The following SLC35G2 variants were observed in gnomAD, a reference collection of about 807,000 sequenced individuals.
The protein encoded by SLC35G2 is solute carrier family 35 member G2, also known as transmembrane protein 22.
A neutral mutation model predicts 27.2 loss-of-function variants in SLC35G2; 20 were observed. That is an observed-to-expected ratio of 0.74 (90% CI 0.52 to 1.07). SLC35G2 has a LOEUF of 1.07. Among genes scored for constraint, SLC35G2 ranks in the 50% least tolerant of loss-of-function variants. The pLI, the probability that SLC35G2 is intolerant of heterozygous loss-of-function variation, is 0.00. For synonymous variants in SLC35G2, 148 were observed against 165.3 expected, an observed-to-expected ratio of 0.90 and a Z score of 0.80; for missense variants, 416 against 493.3, an observed-to-expected ratio of 0.84 and a Z score of 1.48.
intron 1 of SLC35G2, among the ~76,000 whole-genome samples, chr3:136,828,755 A>C (rs1358043866): frequency 6.6e-6 from 1 of 152,164 alleles, no homozygotes; most frequent in Non-Finnish European, 1.5e-5. Context: ...TCAATAAGTA[A>C]GGACTTCTGC....
At chr3:136,822,984 C>T (rs1439420378) in intron 1 of SLC35G2, among the ~76,000 whole-genome samples, 3 of 152,200 alleles carry the variant, frequency 2.0e-5, no homozygotes, top group African/African-American at 4.8e-5. Flanking sequence ...GAGGCACCTC[C>T]AAACTGTTCT....
chr3:136,825,917 A>G (rs1936572269), intron 1 of SLC35G2, among the ~76,000 whole-genome samples: 1 of 152,186 alleles, frequency 6.6e-6, no homozygotes, highest in Non-Finnish European at 1.5e-5. Flanking sequence ...GGCCTCATAG[A>G]GTGAGTTCGG....
intron 1 of SLC35G2, among the ~76,000 whole-genome samples, chr3:136,832,608 A>G (rs1274218250): frequency 6.6e-6 from 1 of 152,232 alleles, no homozygotes; most frequent in African/African-American, 2.4e-5. Context: ...ATGTCTTAGC[A>G]TGGTGCCTTC....
At chr3:136,823,672 T>C (rs999545705) in intron 1 of SLC35G2, among the ~76,000 whole-genome samples, 8 of 152,108 alleles carry the variant, frequency 5.3e-5, no homozygotes, top group Non-Finnish European at 1.2e-4. Context: ...CTCTGCTCAC[T>C]GCAACCGCCG....
At chr3:136,821,507 C>T (rs145875387) in intron 1 of SLC35G2, among the ~76,000 whole-genome samples, 11 of 152,210 alleles carry the variant, frequency 7.2e-5, no homozygotes, top group African/African-American at 1.4e-4. Flanking sequence ...AGTGCAGTGA[C>T]GTGCTCTCCG....
chr3:136,847,166 G>A (rs532682146), intron 1 of SLC35G2, among the ~76,000 whole-genome samples: 1 of 151,912 alleles, frequency 6.6e-6, no homozygotes, highest in East Asian at 1.9e-4. Context: ...GACAGAGTGA[G>A]ACTGTCTAAA....
chr3:136,822,799 T>G (rs1301260953), intron 1 of SLC35G2, among the ~76,000 whole-genome samples: 1 of 152,238 alleles, frequency 6.6e-6, no homozygotes, highest in Non-Finnish European at 1.5e-5. Context: ...CTCCATTGTA[T>G]GTAAATATCT....
chr3:136,822,813 G>A (rs111840967), intron 1 of SLC35G2, among the ~76,000 whole-genome samples: 5 of 152,298 alleles, frequency 3.3e-5, no homozygotes, highest in African/African-American at 9.6e-5. Flanking sequence ...AATATCTGTT[G>A]ATGGACACTT....
intron 1 of SLC35G2, among the ~76,000 whole-genome samples, chr3:136,821,913 A>G (rs1170644732): frequency 6.7e-6 from 1 of 150,114 alleles, no homozygotes; most frequent in Non-Finnish European, 1.5e-5. Context: ...CCACCATTCT[A>G]CTCCTCGATT....
intron 1 of SLC35G2, among the ~76,000 whole-genome samples, chr3:136,848,891 T>C (rs958788049): frequency 2.6e-5 from 4 of 152,078 alleles, no homozygotes; most frequent in Non-Finnish European, 4.4e-5. Context: ...TTACATAATA[T>C]ATACATGTAA....
At chr3:136,852,454 C>T (rs1576919413) in intron 1 of SLC35G2, among the ~76,000 whole-genome samples, 4 of 151,160 alleles carry the variant, frequency 2.6e-5, no homozygotes, top group Admixed American at 2.6e-4. Context: ...GGCAAGAAAT[C>T]AGGGAGTCAC....
chr3:136,833,210 GGGTAGGGAAT>G (rs1223203042), intron 1 of SLC35G2, among the ~76,000 whole-genome samples: 9 of 152,168 alleles, frequency 5.9e-5, no homozygotes, highest in Non-Finnish European at 1.3e-4. Flanking sequence ...TAGATGAGGA[GGGTAGGGAAT>G]AGTAGTTCAC....
intron 1 of SLC35G2, among the ~76,000 whole-genome samples, chr3:136,840,521 T>C (rs1378157464): frequency 7.0e-6 from 1 of 141,898 alleles, no homozygotes; most frequent in African/African-American, 2.6e-5. Flanking sequence ...TCCCTTCCTC[T>C]CTCTCTCCCT....
intron 1 of SLC35G2, among the ~76,000 whole-genome samples, chr3:136,848,999 G>A (rs1290334792): frequency 6.6e-6 from 1 of 151,976 alleles, no homozygotes; most frequent in African/African-American, 2.4e-5. Flanking sequence ...GACCAGCATG[G>A]AGAAACCCTG....
Position 136,854,713 on chromosome 3 carries a change from A to G in SLC35G2, c.253A>G (p.Asn85Asp). The G allele has an allele frequency of 6.2e-7, 1 of 1,614,194 alleles. No homozygotes were observed. Among genetic ancestry groups the G allele is most frequent in the South Asian group, 1.1e-5 (1 of 91,076 alleles). ...LPPPTEDPMI[N>D]EIGQFQSFAE... is the part of the protein sequence containing the mutation. ...TCCACCAACAGAAGACCCAATGATC[A>G]ATGAGATTGGACAATTCCAGAGCTT... Residue 85 changes from asparagine (N) to aspartate (D), a missense_variant, in exon 2 of 2, where the codon AAT becomes GAT. Coordinates refer to ENST00000446465, the MANE Select transcript of SLC35G2 (RefSeq NM_025246.3).
intron 1 of SLC35G2, chr3:136,820,246 G>T (rs529328148): frequency 6.6e-6 from 1 of 152,544 alleles, no homozygotes; most frequent in East Asian, 1.9e-4. Flanking sequence ...GCTGGGGGTA[G>T]CTCCGGAGGA....
In SLC35G2 at chr3:136,847,086, A is replaced by G. The variant is rs183636494; in HGVS notation, c.-18-7357A>G. ...GGAGGCTGAGGGAGGCTGAGGCAGG[A>G]GAATCACTTGAACCTGGGAGGTGGA... On this transcript the variant is annotated intron_variant, in intron 1 of 1. Transcript: ENST00000446465. Among the ~76,000 whole-genome samples the G allele has an allele frequency of 6.1e-3, 923 of 152,282 alleles. 12 individuals are homozygous for G. The highest frequency in any genetic ancestry group is 9.6e-3 in the Admixed American group (146 of 15,286).
intron 1 of SLC35G2, among the ~76,000 whole-genome samples, chr3:136,833,374 CT>C (rs1394535990): frequency 1.3e-5 from 2 of 152,178 alleles, no homozygotes; most frequent in Non-Finnish European, 2.9e-5. Flanking sequence ...TGACTTCCAA[CT>C]GGCTGTTTTG....
intron 1 of SLC35G2, chr3:136,839,096 A>C (rs946583518): frequency 6.9e-6 from 1 of 145,404 alleles, no homozygotes; most frequent in African/African-American, 2.5e-5. Context: ...CTGCTGACTC[A>C]CAGGAAGGTG....
Sources: gnomAD v4.1 joint callset for allele counts (sites outside exome capture counted in the v4.1 genomes callset) on GRCh38, gnomAD v4.1.1 for gene constraint, MANE v1.5 for transcripts, NCBI Gene and HGNC (gene_info 2026-07-23, HGNC 2026-07-21) for gene names.